Variants in RAPH1 observed in about 807,000 individuals in gnomAD.
RAPH1 encodes Ras association (RalGDS/AF-6) and pleckstrin homology domains 1.
A neutral mutation model predicts 88.1 loss-of-function variants in RAPH1; 18 were observed. The ratio of observed to expected loss-of-function variants is 0.20; its 90% CI spans 0.14 to 0.30. The LOEUF (loss-of-function observed/expected upper bound fraction) is 0.30. Ranked by LOEUF, RAPH1 falls within the 10% of genes least tolerant of loss-of-function variation. RAPH1 has a pLI of 1.00. For synonymous variants in RAPH1, 587 were observed against 559.0 expected (o/e 1.05, Z -0.71); for missense variants, 1,448 against 1,543.2 (o/e 0.94, Z 1.03).
chr2:203,454,562 G>A (rs1559455933), intron 9 of RAPH1, 22 bp from the exon 10 acceptor site: 2 of 1,544,980 alleles, frequency 1.3e-6, no homozygotes, highest in African/African-American at 2.7e-5. Context: ...ACACCAAAAA[G>A]ATAAAATTAA....
chr2:203,503,609 C>G (rs1014185770), intron 1 of RAPH1, among the ~76,000 whole-genome samples: 59 of 152,230 alleles, frequency 3.9e-4, no homozygotes, highest in African/African-American at 1.4e-3. Context: ...TATCATTTGG[C>G]CCCTCCAAAT....
Position 203,441,383 on chromosome 2 carries a change from T to C in RAPH1, c.1807A>G (p.Thr603Ala), listed in dbSNP as rs904207927. The change falls in exon 14 of 14, where the codon ACT (threonine) becomes GCT (alanine). Residue 603 changes from threonine (T) to alanine (A), a missense_variant. Physicochemically the swap from Thr to Ala is moderately conservative, Grantham distance 58 (BLOSUM62 0). Around this residue, in one of 2 missense-constraint regions of RAPH1, gnomAD observed 935 missense variants for 890.1 expected, o/e 1.05. Transcript: ENST00000319170. ...GGGGATAAAGGGGGCACAAGTGAAGTGTAGGGCCGATTCATAGACTCCATT... is the reference window on the plus strand; with the variant it reads ...GGGGATAAAGGGGGCACAAGTGAAGCGTAGGGCCGATTCATAGACTCCATT... ...ARMESMNRPY[T>A]SLVPPLSPQP... 1.0e-5 allele frequency: 16 copies of C among 1,568,396 alleles called. No individual in the cohort carries two copies. In the Admixed American group the frequency reaches 1.6e-4, roughly 16 times the overall value.
intron 13 of RAPH1, chr2:203,442,038 C>T: frequency 6.3e-7 from 1 of 1,578,858 alleles, no homozygotes. Flanking sequence ...CACAGAAGTC[C>T]AGCAATGCAG....
At chr2:203,506,738 ATATC>A (rs1559493987) in intron 1 of RAPH1, among the ~76,000 whole-genome samples, 10 of 126,572 alleles carry the variant, frequency 7.9e-5, no homozygotes, top group African/African-American at 3.5e-4. Context: ...ATATAGATAT[ATATC>A]TATATATATA....
At position 203,434,134 on chromosome 2, in the gene RAPH1, A is replaced by G. The variant is rs1306791125; in HGVS notation, c.*5303T>C. 1 of 152,408 alleles carries G rather than the reference A, an allele frequency of 6.6e-6. No homozygotes were observed. Among genetic ancestry groups the G allele is most frequent in the Non-Finnish European group, 1.5e-5 (1 of 68,032 alleles). 9.4% of individuals were successfully genotyped at this position (152,408 alleles called of 1,614,324 possible). ...TAATGAAATGAGCATACATTTATGC[A>G]GAAGAAAATAATAGCAACAAAGCTG... is the stretch of plus-strand genomic sequence containing the variant. On this transcript the variant is annotated 3_prime_UTR_variant, in exon 14 of 14. Coordinates refer to ENST00000319170, the MANE Select transcript of RAPH1 (RefSeq NM_213589.3).
chr2:203,505,366 A>C (rs1046619246), intron 1 of RAPH1, among the ~76,000 whole-genome samples: 1 of 152,126 alleles, frequency 6.6e-6, no homozygotes, highest in Non-Finnish European at 1.5e-5. Context: ...ACCCCTGATA[A>C]ACCCATCAAA....
At chr2:203,479,817 G>A (rs561654552) in intron 4 of RAPH1, among the ~76,000 whole-genome samples, 1 of 152,084 alleles carries the variant, frequency 6.6e-6, no homozygotes, top group African/African-American at 2.4e-5. Context: ...AGGGATTATA[G>A]AATAATATAG....
intron 9 of RAPH1, 24 bp from the exon 10 acceptor site, chr2:203,454,564 T>C: frequency 1.3e-6 from 2 of 1,522,772 alleles, no homozygotes; most frequent in Non-Finnish European, 1.8e-6. Flanking sequence ...ACCAAAAAGA[T>C]AAAATTAATA....
At position 203,461,365 on chromosome 2, in the gene RAPH1, A is replaced by G. The variant is rs375074102; in HGVS notation, c.854T>C (p.Met285Thr). 1.4e-5 allele frequency: 23 copies of G among 1,610,870 alleles called. No homozygotes were observed. The South Asian group carries it at 1.4e-4, about 10-fold the overall frequency. Reference sequence around the variant, plus strand: ...TACTGTCTGCCTCTCATCCACCATCATTGTTTTAGAACTGTCATCAGACAT... The same window carrying G: ...TACTGTCTGCCTCTCATCCACCATCGTTGTTTTAGAACTGTCATCAGACAT... Reference protein sequence around the residue: ...VHMSDDSSKTMMVDERQTVRQ... With the variant: ...VHMSDDSSKTTMVDERQTVRQ... The change falls in exon 6 of 14, where the codon ATG becomes ACG. Residue 285 changes from methionine to threonine, a missense_variant. Met to Thr is a moderately conservative substitution (Grantham distance 81, BLOSUM62 -1). Coordinates refer to ENST00000319170, the MANE Select transcript of RAPH1 (RefSeq NM_213589.3).
chr2:203,457,071 C>T (rs1051922353), intron 8 of RAPH1, among the ~76,000 whole-genome samples: 6 of 152,066 alleles, frequency 3.9e-5, no homozygotes, highest in African/African-American at 1.4e-4. Flanking sequence ...GTTGAACTCT[C>T]TCCCTCATAC....
Position 203,438,146 on chromosome 2 carries a change from T to G in RAPH1, c.*1291A>C, listed in dbSNP as rs1472114303. 2 of 518,704 alleles carry G rather than the reference T, an allele frequency of 3.9e-6. No individual in the cohort carries two copies. Among genetic ancestry groups the G allele is most frequent in the Non-Finnish European group, 7.7e-6 (2 of 259,836 alleles). The allele number at this position is 518,704 out of a possible 1,614,324, so 32.1% of individuals were successfully genotyped here. A position where few individuals can be genotyped will look rare whatever the true frequency, so the allele number is the denominator to read the frequency against. ...CACTCCATCAGAACACCTAGTAACC[T>G]GAACTAATCACAACCAGGCTGCAGT... On this transcript the variant is annotated 3_prime_UTR_variant, in exon 14 of 14. Coordinates refer to ENST00000319170, the MANE Select transcript of RAPH1 (RefSeq NM_213589.3).
chr2:203,501,888 G>A (rs991900797), intron 1 of RAPH1, among the ~76,000 whole-genome samples: 6 of 151,602 alleles, frequency 4.0e-5, no homozygotes, highest in Admixed American at 3.9e-4. Context: ...TACTAACTGT[G>A]GGAGAACAGG....
At chr2:203,495,135 C>T in intron 2 of RAPH1, 99 bp downstream of exon 2, 1 of 1,347,714 alleles carries the variant, frequency 7.4e-7, no homozygotes, top group Non-Finnish European at 1.0e-6. Context: ...TCTGGCAATA[C>T]TTTAAAATTT....
At chr2:203,490,158 G>A (rs2105827889) in intron 3 of RAPH1, 69 bp from the exon 4 acceptor site, 2 of 1,386,572 alleles carry the variant, frequency 1.4e-6, no homozygotes, top group Non-Finnish European at 1.9e-6. Context: ...ATAAATGCAG[G>A]TGATGAAGCA....
chr2:203,436,539 G>A lies in RAPH1; in HGVS notation c.*2898C>T, dbSNP rs937658673. 2.0e-5 allele frequency: 3 copies of A among 152,222 alleles called. No homozygotes were observed. Among genetic ancestry groups the A allele is most frequent in the African/African-American group, 7.2e-5 (3 of 41,464 alleles). 9.4% of individuals were successfully genotyped at this position (152,222 alleles called of 1,614,324 possible). ...GGTGCCAAAACTCTAAGCATAGAGT[G>A]ATTCTACTTTGAAATTATCCATAGT... On this transcript the variant is annotated 3_prime_UTR_variant, in exon 14 of 14. Transcript: ENST00000319170.
At chr2:203,470,949 G>T (rs768133860) in intron 4 of RAPH1, among the ~76,000 whole-genome samples, 18 of 152,274 alleles carry the variant, frequency 1.2e-4, no homozygotes, top group Non-Finnish European at 2.5e-4. Flanking sequence ...TGAATGACAT[G>T]AACAAAATAT....
intron 1 of RAPH1, among the ~76,000 whole-genome samples, chr2:203,529,945 T>A (rs1438422838): frequency 2.0e-5 from 3 of 152,222 alleles, no homozygotes; most frequent in African/African-American, 7.2e-5. Context: ...CAGTGTCATC[T>A]TCTACTGATT....
chr2:203,489,840 T>C lies in RAPH1; in HGVS notation c.476A>G (p.Gln159Arg). 1 of 1,614,272 alleles carries C rather than the reference T, an allele frequency of 6.2e-7. No homozygotes were observed. The highest frequency in any genetic ancestry group is 8.5e-7 in the Non-Finnish European group (1 of 1,180,040). The change falls in exon 4 of 14, where the codon CAG becomes CGG. Residue 159 changes from glutamine to arginine, a missense_variant. Around this residue, in one of 2 missense-constraint regions of RAPH1, gnomAD observed 513 missense variants for 653.1 expected, o/e 0.79. Transcript: ENST00000319170. ...ASYSLDDVTA[Q>R]LEQASLSMDE... Reference sequence around the variant, plus strand: ...CATACTCAAAGAGGCCTGTTCTAACTGTGCAGTGACGTCGTCCAAGGAGTA... The same window carrying C: ...CATACTCAAAGAGGCCTGTTCTAACCGTGCAGTGACGTCGTCCAAGGAGTA...
chr2:203,512,864 T>C (rs905908561), intron 1 of RAPH1, among the ~76,000 whole-genome samples: 4 of 152,138 alleles, frequency 2.6e-5, no homozygotes, highest in Non-Finnish European at 5.9e-5. Context: ...GACCTGGTGA[T>C]CCGCCCACCT....
Sources: allele counts gnomAD v4.1 joint callset (sites outside exome capture counted in the v4.1 genomes callset), GRCh38; gene constraint gnomAD v4.1.1; regional missense constraint gnomAD v4.1.1; transcripts MANE v1.5; gene names NCBI Gene and HGNC (gene_info 2026-07-23, HGNC 2026-07-21).